UNKL: variants seen among roughly 807,000 people sequenced by gnomAD.
UNKL encodes the protein unk like zinc finger, also known as putative E3 ubiquitin-protein ligase UNKL.
Under a neutral mutation model 78.0 loss-of-function variants are expected in UNKL, and 60 were observed. That is an observed-to-expected ratio of 0.77 (90% CI 0.63 to 0.95). The LOEUF is 0.95. Ranked by LOEUF, UNKL falls within the 40% of genes least tolerant of loss-of-function variation. The pLI is 0.00. For synonymous variants in UNKL, 608 were observed against 474.8 expected (o/e 1.28, Z -3.65); for missense variants, 1,159 against 1,045.7 (o/e 1.11, Z -1.49).
In UNKL at chr16:1,403,189, C is replaced by T. The variant is rs1033507696; in HGVS notation, c.443G>A (p.Arg148Gln). The change falls in exon 3 of 15, where the codon CGG becomes CAG. Residue 148 changes from arginine to glutamine, a missense_variant. Coordinates refer to ENST00000389221, the MANE Select transcript of UNKL (RefSeq NM_001372107.1). This position sits in a 1 kb window ranked among gnomAD's most constrained non-coding sequence, Gnocchi z 4.8. ...TCACCTGACGTCACACACGGGCGGC[C>T]GCAGGTCCAGGGGGCCGTGCGCGAA... is the stretch of plus-strand genomic sequence containing the variant. Reference protein sequence around the residue: ...CAFAHGPLDLRPPVCDVRELQ... With the variant: ...CAFAHGPLDLQPPVCDVRELQ... 6.2e-7 allele frequency: 1 copy of T among 1,612,982 alleles called. No homozygotes were observed. Among genetic ancestry groups the T allele is most frequent in the Non-Finnish European group, 8.5e-7 (1 of 1,179,530 alleles).
At chr16:1,398,684 C>CCCCCCCCCCCCCCCCCCCT in intron 5 of UNKL, 1 of 1,035,402 alleles carries the variant, frequency 9.7e-7, no homozygotes. Flanking sequence ...GGTCTGCACC[C>CCCCCCCCCCCCCCCCCCCT]CCCCACCCCC....
intron 11 of UNKL, among the ~76,000 whole-genome samples, chr16:1,370,580 G>T (rs965435595): frequency 6.6e-6 from 1 of 152,170 alleles, no homozygotes; most frequent in Non-Finnish European, 1.5e-5. Context: ...GGGCTCAAAG[G>T]GATTCCAACC....
chr16:1,395,846 C>T (rs1231531618), intron 6 of UNKL: 5 of 435,322 alleles, frequency 1.1e-5, no homozygotes, highest in Admixed American at 2.4e-5. Context: ...GTCACCGACA[C>T]CCAGAAAGCA....
chr16:1,390,730 A>T, intron 8 of UNKL, 36 bp from the exon 9 acceptor site: 1 of 1,534,666 alleles, frequency 6.5e-7, no homozygotes, highest in African/African-American at 1.4e-5. Context: ...TGGAAAAAGC[A>T]GGGAGGAAAT....
Position 1,392,951 on chromosome 16 carries a change from C to A in UNKL, c.963G>T (p.Trp321Cys). 6.4e-7 allele frequency: 1 copy of A among 1,550,570 alleles called. No individual in the cohort carries two copies. The highest frequency in any genetic ancestry group is 8.7e-7 in the Non-Finnish European group (1 of 1,147,000). The change falls in exon 8 of 15, where the codon TGG becomes TGT. Residue 321 changes from tryptophan (W) to cysteine (C), a missense_variant. Trp to Cys is a radical substitution (Grantham distance 215, BLOSUM62 -2). Coordinates refer to ENST00000389221, the MANE Select transcript of UNKL (RefSeq NM_001372107.1). ...VEKSLGMVNE[W>C]GCHDLHLTSP... Reference sequence around the variant, plus strand: ...TCGTGAGGTGGAGGTCGTGACAGCCCCATTCATTCACCATCCCCAGGCTCT... The same window carrying A: ...TCGTGAGGTGGAGGTCGTGACAGCCACATTCATTCACCATCCCCAGGCTCT...
Position 1,366,367 on chromosome 16 carries a change from C to T in UNKL, c.2075G>A (p.Cys692Tyr), listed in dbSNP as rs2141900082. ...GVIFQLRAKQ[C>Y]VACRERAHGA... is the part of the protein sequence containing the mutation. The stretch of plus-strand genomic sequence containing the variant: ...GTGGGCCCGCTCCCGGCAGGCCACA[C>T]ACTGCTTGGCGCGGAGCTGGAAGAT... Residue 692 changes from cysteine to tyrosine, a missense_variant, in exon 15 of 15, where the codon TGT becomes TAT. Cys to Tyr is a radical substitution (Grantham distance 194, BLOSUM62 -2). Transcript: ENST00000389221. The T allele has an allele frequency of 1.2e-6, 2 of 1,601,990 alleles. No individual in the cohort carries two copies. The highest frequency in any genetic ancestry group is 1.7e-6 in the Non-Finnish European group (2 of 1,173,786).
intron 2 of UNKL, among the ~76,000 whole-genome samples, chr16:1,410,547 C>A (rs950867898): frequency 2.0e-5 from 3 of 152,150 alleles, no homozygotes; most frequent in African/African-American, 7.2e-5. Context: ...GTAGAGGTTG[C>A]GGTGAGCCGA....
At position 1,413,907 on chromosome 16, in the gene UNKL, T is replaced by G. The variant is rs1315226492; in HGVS notation, c.226A>C (p.Ser76Arg). The change falls in exon 2 of 15, where the codon AGC (serine) becomes CGC (arginine). Residue 76 changes from serine (S) to arginine (R), a missense_variant. By Grantham distance (110) the Ser-to-Arg change is moderately radical. Coordinates refer to ENST00000389221, the MANE Select transcript of UNKL (RefSeq NM_001372107.1). ...TACTTGGAGCAGTACACGTCGGGGC[T>G]GTAGTTGAAGGTGCCGTCGCGCCTG... is the stretch of plus-strand genomic sequence containing the variant. ...LRRRDGTFNY[S>R]PDVYCSKYNE... 6.4e-7 allele frequency: 1 copy of G among 1,558,964 alleles called. No individual in the cohort carries two copies.
At chr16:1,411,640 C>A (rs763677831) in intron 2 of UNKL, among the ~76,000 whole-genome samples, 4 of 152,144 alleles carry the variant, frequency 2.6e-5, no homozygotes, top group Non-Finnish European at 4.4e-5. Context: ...GCCTGACCAA[C>A]ATGTAGAAAT....
intron 10 of UNKL, among the ~76,000 whole-genome samples, chr16:1,374,574 AGAC>A (rs1323746674): frequency 6.6e-6 from 1 of 152,146 alleles, no homozygotes; most frequent in Non-Finnish European, 1.5e-5. Flanking sequence ...TGCTCGGTTC[AGAC>A]AAGCTGGGGC....
At position 1,365,436 on chromosome 16, in the gene UNKL, C is replaced by T. The variant is rs529721923; in HGVS notation, c.*804G>A. ...CTTCACTTGCTCTCCGAGGCGCAGG[C>T]GCACAGAAACAGCGGCCACGGACCA... On this transcript the variant is annotated 3_prime_UTR_variant, in exon 15 of 15. Transcript: ENST00000389221. 2.6e-5 allele frequency: 4 copies of T among 152,530 alleles called. No individual in the cohort carries two copies. Among genetic ancestry groups the T allele is most frequent in the African/African-American group, 7.2e-5 (3 of 41,582 alleles). 9.4% of individuals were successfully genotyped at this position (152,530 alleles called of 1,614,324 possible).
intron 5 of UNKL, chr16:1,398,479 G>C: frequency 1.7e-6 from 2 of 1,208,666 alleles, no homozygotes; most frequent in Middle Eastern, 7.0e-4. Flanking sequence ...TGCTCAGAGG[G>C]AGACTGAACG....
At chr16:1,407,091 G>C (rs2037798492) in intron 2 of UNKL, among the ~76,000 whole-genome samples, 2 of 151,668 alleles carry the variant, frequency 1.3e-5, no homozygotes, top group South Asian at 4.2e-4. Context: ...GGATGCTGCA[G>C]TGAGCCGAGA....
chr16:1,395,445 C>A (rs1224636910), intron 6 of UNKL, among the ~76,000 whole-genome samples: 1 of 152,148 alleles, frequency 6.6e-6, no homozygotes, highest in East Asian at 1.9e-4. Flanking sequence ...GGATTACAGG[C>A]GTGAGCCACT....
chr16:1,378,009 G>A (rs1056059830), intron 10 of UNKL, among the ~76,000 whole-genome samples: 5 of 152,150 alleles, frequency 3.3e-5, no homozygotes, highest in African/African-American at 4.8e-5. Context: ...TGCGCGTGCC[G>A]GTCACCGCTT....
Position 1,414,665 on chromosome 16 carries a change from T to TGCCGCC in UNKL, c.21_26dup (p.Ala10_Ala11dup). 8.7e-7 allele frequency: 1 copy of TGCCGCC among 1,151,422 alleles called. No individual in the cohort carries two copies. The highest frequency in any genetic ancestry group is 1.1e-6 in the Non-Finnish European group (1 of 924,000). 71.3% of individuals were successfully genotyped at this position (1,151,422 alleles called of 1,614,324 possible). A position where few individuals can be genotyped will look rare whatever the true frequency, so the allele number is the denominator to read the frequency against. ...GCGGGGGGGACCCGCTCAGCGCCGC[T>TGCCGCC]GCCGCCGCTTTCGAAACCGACGGCA... On this transcript the variant is annotated inframe_insertion, in exon 1 of 15. Coordinates refer to ENST00000389221, the MANE Select transcript of UNKL (RefSeq NM_001372107.1).
At position 1,400,561 on chromosome 16, in the gene UNKL, G is replaced by C. The variant is rs530315956; in HGVS notation, c.598+1007C>G. 2.6e-5 allele frequency among the ~76,000 whole-genome samples: 4 copies of C among 152,166 alleles called. No individual in the cohort carries two copies. The South Asian group carries it at 8.3e-4, about 32-fold the overall frequency. On this transcript the variant is annotated intron_variant, in intron 4 of 14. Transcript: ENST00000389221. ...GATGGGGAGGAACTGCTCATAAGCA[G>C]GGGGGTTCCTTCTGCAGGGATGGAA...
In UNKL at chr16:1,397,364, G is replaced by A. The variant is rs867395301; in HGVS notation, c.735-69C>T. The A allele has an allele frequency of 1.6e-4, 90 of 565,214 alleles. 5 individuals are homozygous for A. The African/African-American group carries it at 2.1e-3, about 13-fold the overall frequency. The allele number at this position is 565,214 out of a possible 1,614,324, so 35.0% of individuals were successfully genotyped here. A position where few individuals can be genotyped will look rare whatever the true frequency, so the allele number is the denominator to read the frequency against. On this transcript the variant is annotated intron_variant, in intron 5 of 14. Coordinates refer to ENST00000389221, the MANE Select transcript of UNKL (RefSeq NM_001372107.1). ...CCCGCCCCCCACCCCCGTGCTTCACGCTGGGGCAGGGCGTGGACCTGGGGA... is the reference window on the plus strand; with the variant it reads ...CCCGCCCCCCACCCCCGTGCTTCACACTGGGGCAGGGCGTGGACCTGGGGA...
chr16:1,391,211 T>C (rs2037034036), intron 8 of UNKL, among the ~76,000 whole-genome samples: 1 of 148,830 alleles, frequency 6.7e-6, no homozygotes, highest in South Asian at 2.1e-4. Context: ...TATGTACCTA[T>C]TCAGCAGTAC....
Sources: allele counts gnomAD v4.1 joint callset (sites outside exome capture counted in the v4.1 genomes callset), GRCh38; gene constraint gnomAD v4.1.1; non-coding constraint Gnocchi (gnomAD v3.1); transcripts MANE v1.5; gene names NCBI Gene and HGNC (gene_info 2026-07-23, HGNC 2026-07-21).